The following MUC6 variants were observed in gnomAD, a reference collection of about 807,000 sequenced individuals.
The protein encoded by MUC6 is mucin-6.
Under a neutral mutation model 201.5 loss-of-function variants are expected in MUC6, and 188 were observed. The observed-to-expected ratio is 0.93, with a 90% CI of 0.83 to 1.05. MUC6 has a LOEUF of 1.05. Among genes scored for constraint, MUC6 ranks in the 50% least tolerant of loss-of-function variants. MUC6 has a pLI of 0.00. For missense variants in MUC6, 2,706 were observed against 3,256.9 expected (o/e 0.83, Z 4.12); for synonymous variants, 1,228 against 1,389.4 (o/e 0.88, Z 2.58).
chr11:1,015,115 C>T (rs886977492), intron 31 of MUC6, among the ~76,000 whole-genome samples: 16 of 152,294 alleles, frequency 1.1e-4, no homozygotes, highest in Middle Eastern at 3.4e-3. Context: ...ATCCCTGGAA[C>T]GCGAGGTGAG....
chr11:1,030,525 T>C, intron 7 of MUC6, 48 bp downstream of exon 7: 1 of 1,465,102 alleles, frequency 6.8e-7, no homozygotes, highest in Non-Finnish European at 9.0e-7. Context: ...GAGCTGGGTC[T>C]GGAGCCCTCG....
At position 1,016,276 on chromosome 11, in the gene MUC6, CAG is replaced by C; in HGVS notation, c.6523_6524del (p.Leu2175GlufsTer34). On this transcript the variant is annotated frameshift_variant, in exon 31 of 33. Transcript: ENST00000421673. LOFTEE classifies it high-confidence loss of function. ...FVSAPVHSTT[L>X]SSGSHSSLST... ...ACAATGAGGAGTGTGACCCCGAGCTCAGGGTTGTGGAGTGCACGGGGGCGGAC... is the reference window on the plus strand; with the variant it reads ...ACAATGAGGAGTGTGACCCCGAGCTCGGTTGTGGAGTGCACGGGGGCGGAC... 1 of 1,612,866 alleles carries C rather than the reference CAG, an allele frequency of 6.2e-7. No individual in the cohort carries two copies. The highest frequency in any genetic ancestry group is 8.5e-7 in the Non-Finnish European group (1 of 1,179,622).
intron 1 of MUC6, among the ~76,000 whole-genome samples, chr11:1,034,419 C>T (rs59257210): frequency 0.097 from 14,758 of 152,248 alleles, 873 homozygotes; most frequent in East Asian, 0.27. Flanking sequence ...TCCTGGGGGT[C>T]CCAGTAGGTG....
Position 1,030,957 on chromosome 11 carries a change from T to C in MUC6, c.674A>G (p.Gln225Arg), listed in dbSNP as rs747684168. The C allele has an allele frequency of 2.2e-5, 35 of 1,575,998 alleles. No individual in the cohort carries two copies. Among genetic ancestry groups the C allele is most frequent in the Non-Finnish European group, 2.9e-5 (34 of 1,161,390 alleles). The part of the protein sequence containing the change: ...FQDIPSTHVR[Q>R]AQHARICTQL... ...AGCCCCCTTGCTTACGTGCTGGGCC[T>C]GCCGGACGTGGGTGCTGGGGATGTC... The change falls in exon 6 of 33, where the codon CAG (glutamine) becomes CGG (arginine). Residue 225 changes from glutamine (Q) to arginine (R), a missense_variant. Gln to Arg is a conservative substitution (Grantham distance 43). Coordinates refer to ENST00000421673, the MANE Select transcript of MUC6 (RefSeq NM_005961.3).
At chr11:1,030,182 G>A (rs965716375) in intron 8 of MUC6, 31 bp downstream of exon 8, 19 of 1,545,338 alleles carry the variant, frequency 1.2e-5, no homozygotes, top group Admixed American at 2.0e-5. Flanking sequence ...TAGGGGTCCC[G>A]GGGAGAGAGA....
rs777010944 is a variant in MUC6, at chr11:1,028,728, G to A, written c.1509C>T (p.Phe503=). The change falls in exon 13 of 33, where the codon TTC becomes TTT. Residue 503 remains phenylalanine (F), a synonymous_variant. Transcript: ENST00000421673. ...GCAGCTGGACCACGAGCTCCAGCCC[G>A]AAGCTGGTGGCCATCTGGAGGTGGG... ...TSTHLQMATS[F]GLELVVQLRP... 1.6e-5 allele frequency: 26 copies of A among 1,612,324 alleles called. No individual in the cohort carries two copies. The highest frequency in any genetic ancestry group is 3.3e-5 in the Admixed American group (2 of 59,934).
At position 1,027,449 on chromosome 11, in the gene MUC6, G is replaced by A; in HGVS notation, c.2050C>T (p.Leu684=). ...TGGCACTCGGTGGCACGGTCCGACAGCGACAGGCAGGTGCGCTCACAGGCT... is the reference window on the plus strand; with the variant it reads ...TGGCACTCGGTGGCACGGTCCGACAACGACAGGCAGGTGCGCTCACAGGCT... ...SQACERTCLS[L]SDRATECHHS... The change falls in exon 17 of 33, where the codon CTG becomes TTG. Residue 684 remains leucine (L), a synonymous_variant. Transcript: ENST00000421673. 6.2e-7 allele frequency: 1 copy of A among 1,612,800 alleles called. No individual in the cohort carries two copies. Among genetic ancestry groups the A allele is most frequent in the Non-Finnish European group, 8.5e-7 (1 of 1,179,826 alleles).
In MUC6 at chr11:1,025,810, G is replaced by A. The variant is rs777066537; in HGVS notation, c.2794C>T (p.Leu932=). ...GAGTCTGCCCGGCTGCTCACCCCCA[G>A]GAAGATCTTGATGGCCCGTGAGCAT... ...VTCSRAIKIF[L]GGLSVVLADR... Residue 932 remains leucine (L), a synonymous_variant, in exon 22 of 33, where the codon CTG becomes TTG. Coordinates refer to ENST00000421673, the MANE Select transcript of MUC6 (RefSeq NM_005961.3). The A allele has an allele frequency of 1.4e-5, 23 of 1,611,716 alleles. No individual in the cohort carries two copies. In the African/African-American group the frequency reaches 2.0e-4, roughly 14 times the overall value.
At chr11:1,024,172 C>T in intron 24 of MUC6, 69 bp from the exon 25 acceptor site, 1 of 1,529,608 alleles carries the variant, frequency 6.5e-7, no homozygotes, top group Non-Finnish European at 8.8e-7. Flanking sequence ...TTGCCACCTG[C>T]AGGGCCCTCA....
At position 1,030,290 on chromosome 11, in the gene MUC6, G is replaced by A. The variant is rs770748532; in HGVS notation, c.938C>T (p.Ser313Leu). 4 of 1,549,496 alleles carry A rather than the reference G, an allele frequency of 2.6e-6. No individual in the cohort carries two copies. Among genetic ancestry groups the A allele is most frequent in the South Asian group, 1.2e-5 (1 of 84,022 alleles). Residue 313 changes from serine to leucine, a missense_variant, in exon 8 of 33, where the codon TCG becomes TTG. Physicochemically the swap from Ser to Leu is moderately radical, Grantham distance 145. Transcript: ENST00000421673. ...GTTGGAGCAGGTCTTCACGCAGGCCGAGCCGCACTCCTGGTACACCTGGTT... is the reference window on the plus strand; with the variant it reads ...GTTGGAGCAGGTCTTCACGCAGGCCAAGCCGCACTCCTGGTACACCTGGTT... ...PANQVYQECG[S>L]ACVKTCSNPQ...
At chr11:1,034,851 C>T (rs889584381) in intron 1 of MUC6, among the ~76,000 whole-genome samples, 4 of 152,304 alleles carry the variant, frequency 2.6e-5, no homozygotes, top group East Asian at 3.9e-4. Context: ...CCGCCGCCCT[C>T]GCCCTGCCCC....
At chr11:1,032,711 T>A (rs1258493381) in intron 2 of MUC6, among the ~76,000 whole-genome samples, 1 of 145,022 alleles carries the variant, frequency 6.9e-6, no homozygotes, top group Non-Finnish European at 1.5e-5. Context: ...TGTGTGTAGG[T>A]TGTGTGTGTT....
chr11:1,033,524 G>T lies in MUC6; in HGVS notation c.53-449C>A, dbSNP rs1196876747. On this transcript the variant is annotated intron_variant, in intron 1 of 32. Coordinates refer to ENST00000421673, the MANE Select transcript of MUC6 (RefSeq NM_005961.3). This position sits in a 1 kb window ranked among gnomAD's most constrained non-coding sequence, Gnocchi z 5.6. ...GGGTCTGCGCCAAGGCCCCACAGCC[G>T]GTTCTCCCTGCTCTCGGTGGCTCCG... Among the ~76,000 whole-genome samples, 1 of 151,656 alleles carries T rather than the reference G, an allele frequency of 6.6e-6. No homozygotes were observed. Among genetic ancestry groups the T allele is most frequent in the Non-Finnish European group, 1.5e-5 (1 of 67,734 alleles).
chr11:1,023,792 G>C (rs1287966386), intron 25 of MUC6, 140 bp from the exon 26 acceptor site: 2 of 1,442,728 alleles, frequency 1.4e-6, no homozygotes, highest in Admixed American at 2.3e-5. Flanking sequence ...CCCCTGGGCA[G>C]CTGGGGGCTG....
rs1857015718 is a variant in MUC6, at chr11:1,028,299, G to A, written c.1680C>T (p.Asp560=). Residue 560 remains aspartate, a synonymous_variant, in exon 14 of 33, where the codon GAC becomes GAT. Coordinates refer to ENST00000421673, the MANE Select transcript of MUC6 (RefSeq NM_005961.3). ...IAEGTASLFV[D]SWRAGNCPAA... ...CCGGACAGTTCCCCGCCCGCCAGGA[G>A]TCCACAAACAGCGAGGCGGTGCCCT... is the stretch of plus-strand genomic sequence containing the variant. 2 of 1,610,862 alleles carry A rather than the reference G, an allele frequency of 1.2e-6. No homozygotes were observed. The highest frequency in any genetic ancestry group is 1.7e-6 in the Non-Finnish European group (2 of 1,179,224).
In MUC6 at chr11:1,016,045, G is replaced by C. The variant is rs961054708; in HGVS notation, c.6756C>G (p.Pro2252=). Residue 2252 remains proline, a synonymous_variant, in exon 31 of 33, where the codon CCC becomes CCG. Transcript: ENST00000421673. ...ASSTIAFPST[P]RTTASTHTAP... ...CGGTGTGGGTGCTGGCCGTGGTCCT[G>C]GGCGTGGACGGAAATGCAATGGTGC... 1 of 1,611,900 alleles carries C rather than the reference G, an allele frequency of 6.2e-7. No homozygotes were observed. Among genetic ancestry groups the C allele is most frequent in the East Asian group, 2.2e-5 (1 of 44,826 alleles).
chr11:1,024,815 G>A (rs746245633), intron 24 of MUC6, 29 bp downstream of exon 24: 2 of 1,596,990 alleles, frequency 1.3e-6, no homozygotes, highest in South Asian at 1.1e-5. Context: ...TGGAGGGGCA[G>A]GCGCACAGCC....
intron 9 of MUC6, 21 bp downstream of exon 9, chr11:1,029,474 C>A (rs778145677): frequency 6.2e-7 from 1 of 1,610,950 alleles, no homozygotes; most frequent in Non-Finnish European, 8.5e-7. Flanking sequence ...CGGCCAGAGC[C>A]CCCTCCGGCG....
chr11:1,014,220 C>T (rs1418433993), intron 31 of MUC6, among the ~76,000 whole-genome samples: 1 of 152,240 alleles, frequency 6.6e-6, no homozygotes, highest in Non-Finnish European at 1.5e-5. Flanking sequence ...AGTCGCTCTG[C>T]TGGAGTCCAT....
Sources: allele counts gnomAD v4.1 joint callset (sites outside exome capture counted in the v4.1 genomes callset), GRCh38; gene constraint gnomAD v4.1.1; non-coding constraint Gnocchi (gnomAD v3.1); transcripts MANE v1.5; gene names NCBI Gene and HGNC (gene_info 2026-07-23, HGNC 2026-07-21).